Variants in MASTL observed in about 807,000 individuals in gnomAD.
MASTL encodes the protein serine/threonine-protein kinase greatwall.
In MASTL, 54 loss-of-function variants were observed where a neutral mutation model predicts 82.5. The observed-to-expected ratio is 0.65, with a 90% CI of 0.53 to 0.82. MASTL has a LOEUF of 0.82. Among genes scored for constraint, MASTL ranks in the 40% least tolerant of loss-of-function variants. The pLI is 0.00. For synonymous variants in MASTL, 323 were observed against 368.9 expected (o/e 0.88, Z 1.43); for missense variants, 950 against 1,047.8 (o/e 0.91, Z 1.29).
Position 27,167,118 on chromosome 10 carries a change from C to T in MASTL, c.828C>T (p.Ala276=), listed in dbSNP as rs761571179. The T allele has an allele frequency of 1.9e-6, 3 of 1,613,916 alleles. No homozygotes were observed. In the South Asian group the frequency reaches 3.3e-5, roughly 18 times the overall value. ...TCTCTATAGGTCTTGAAACAGTTGCCTCCAACCCAGGAATGCCTGTGAAGT... is the reference window on the plus strand; with the variant it reads ...TCTCTATAGGTCTTGAAACAGTTGCTTCCAACCCAGGAATGCCTGTGAAGT... ...KLLKSCLETV[A]SNPGMPVKCL... The change falls in exon 7 of 12, where the codon GCC becomes GCT. Residue 276 remains alanine (A), a synonymous_variant. Coordinates refer to ENST00000375940, the MANE Select transcript of MASTL (RefSeq NM_001172303.3).
At chr10:27,175,611 A>T (rs2058078798) in intron 9 of MASTL, among the ~76,000 whole-genome samples, 1 of 151,870 alleles carries the variant, frequency 6.6e-6, no homozygotes, top group East Asian at 1.9e-4. Context: ...GTTCTTGGAG[A>T]TTCTGCCTTT....
In MASTL at chr10:27,186,424, T is replaced by C. The variant is rs375733380; in HGVS notation, c.2528T>C (p.Leu843Pro). 5.6e-6 allele frequency: 9 copies of C among 1,614,068 alleles called. No homozygotes were observed. In the South Asian group the frequency reaches 8.8e-5, roughly 16 times the overall value. ...PLFSDVDWEN[L>P]QHQTMPFIPQ... ...TTCAGTGATGTGGACTGGGAAAATC[T>C]GCAGCATCAGACTATGCCTTTCATC... Residue 843 changes from leucine to proline, a missense_variant, in exon 12 of 12, where the codon CTG becomes CCG. Physicochemically the swap from Leu to Pro is moderately conservative, Grantham distance 98 (BLOSUM62 -3). Coordinates refer to ENST00000375940, the MANE Select transcript of MASTL (RefSeq NM_001172303.3).
chr10:27,169,162 G>GT (rs2057836431), intron 7 of MASTL, among the ~76,000 whole-genome samples: 1 of 152,014 alleles, frequency 6.6e-6, no homozygotes, highest in Non-Finnish European at 1.5e-5. Flanking sequence ...TATCAGCTTG[G>GT]TTTTTTAATA....
intron 1 of MASTL, among the ~76,000 whole-genome samples, chr10:27,157,350 A>G (rs1285197756): frequency 1.3e-5 from 2 of 152,136 alleles, no homozygotes; most frequent in Non-Finnish European, 2.9e-5. Context: ...TTTGCTTAGC[A>G]CCCACCCTCT....
rs753485324 is a variant in MASTL, at chr10:27,173,124, C to T, written c.2131C>T (p.Pro711Ser). The T allele has an allele frequency of 1.6e-5, 26 of 1,613,932 alleles. No individual in the cohort carries two copies. The South Asian group carries it at 2.4e-4, about 15-fold the overall frequency. ...TAAACCCTTTTTGAATTAGCAGACCCCAAATCAGATCAAGTCGGGAACTCC... is the reference window on the plus strand; with the variant it reads ...TAAACCCTTTTTGAATTAGCAGACCTCAAATCAGATCAAGTCGGGAACTCC... The part of the protein sequence containing the change: ...RRSCMPHQQT[P>S]NQIKSGTPYR... Residue 711 changes from proline to serine, a missense_variant, in exon 9 of 12, where the codon CCA becomes TCA. By Grantham distance (74) the Pro-to-Ser change is moderately conservative. Coordinates refer to ENST00000375940, the MANE Select transcript of MASTL (RefSeq NM_001172303.3).
At chr10:27,154,613 A>C (rs1486780046), upstream of MASTL, 1 of 296,144 alleles carries the variant, frequency 3.4e-6, no homozygotes, top group Non-Finnish European at 6.1e-6. Context: ...TCTTTCGCCC[A>C]GGCTGGCGTA....
chr10:27,163,179 A>G (rs2057630356), intron 4 of MASTL, among the ~76,000 whole-genome samples: 1 of 152,082 alleles, frequency 6.6e-6, no homozygotes, highest in Non-Finnish European at 1.5e-5. Context: ...GGCCTCCCAA[A>G]GTGCTAGGAT....
chr10:27,181,963 G>T (rs788218), intron 11 of MASTL, among the ~76,000 whole-genome samples: 149,653 of 151,402 alleles, frequency 0.99, 73,980 homozygotes, highest in East Asian at 1. Flanking sequence ...TAGTCCCAGC[G>T]ACTTGGGAGG....
At chr10:27,180,330 G>T (rs920945230) in intron 9 of MASTL, among the ~76,000 whole-genome samples, 1 of 152,226 alleles carries the variant, frequency 6.6e-6, no homozygotes, top group South Asian at 2.1e-4. Context: ...GGAGAAGGCC[G>T]CATGCTGCGC....
chr10:27,165,643 T>C (rs41314635), intron 6 of MASTL, 104 bp downstream of exon 6: 36,816 of 1,305,214 alleles, frequency 0.028, 657 homozygotes, highest in Non-Finnish European at 0.033. Context: ...GACGGAGTCT[T>C]ACTCTGTCAT....
At chr10:27,161,233 C>T (rs749877799) in intron 4 of MASTL, 51 bp downstream of exon 4, 33 of 1,062,498 alleles carry the variant, frequency 3.1e-5, no homozygotes, top group African/African-American at 4.7e-5. Flanking sequence ...ACAGGCCAGG[C>T]GTGGTGGCTC....
Position 27,170,110 on chromosome 10 carries a change from C to G in MASTL, c.1151C>G (p.Ser384Cys). 6.2e-7 allele frequency: 1 copy of G among 1,614,156 alleles called. No individual in the cohort carries two copies. The highest frequency in any genetic ancestry group is 8.5e-7 in the Non-Finnish European group (1 of 1,180,022). ...NSSALPTTGR[S>C]CVNLAKKCFS... Reference sequence around the variant, plus strand: ...AGTGCCCTTCCCACCACTGGACGCTCTTGTGTAAACCTTGCTAAAAAATGC... The same window carrying G: ...AGTGCCCTTCCCACCACTGGACGCTGTTGTGTAAACCTTGCTAAAAAATGC... The change falls in exon 8 of 12, where the codon TCT becomes TGT. Residue 384 changes from serine to cysteine, a missense_variant. Coordinates refer to ENST00000375940, the MANE Select transcript of MASTL (RefSeq NM_001172303.3).
At chr10:27,162,602 G>C (rs1209757289) in intron 4 of MASTL, among the ~76,000 whole-genome samples, 1 of 152,142 alleles carries the variant, frequency 6.6e-6, no homozygotes, top group African/African-American at 2.4e-5. Flanking sequence ...CTGGGAGGCA[G>C]AGGTTGCAGT....
At chr10:27,165,572 G>A (rs964012093) in intron 6 of MASTL, 33 bp downstream of exon 6, 6 of 1,608,382 alleles carry the variant, frequency 3.7e-6, no homozygotes, top group Non-Finnish European at 5.1e-6. Flanking sequence ...GCCAGGCGCA[G>A]AGGCTTACAC....
chr10:27,170,013 G>A lies in MASTL; in HGVS notation c.1054G>A (p.Ala352Thr). The stretch of plus-strand genomic sequence containing the variant: ...AGTTGAAAAGTTATGCGCAAAATCT[G>A]CAAATGCCATTGAGACGAAAGGTTT... ...NAVEKLCAKS[A>T]NAIETKGFNK... Residue 352 changes from alanine (A) to threonine (T), a missense_variant, in exon 8 of 12, where the codon GCA (alanine) becomes ACA (threonine). By Grantham distance (58) the Ala-to-Thr change is moderately conservative. Transcript: ENST00000375940. The A allele has an allele frequency of 6.2e-7, 1 of 1,614,146 alleles. No individual in the cohort carries two copies. Among genetic ancestry groups the A allele is most frequent in the Non-Finnish European group, 8.5e-7 (1 of 1,180,018 alleles).
chr10:27,167,451 T>C (rs1039198672), intron 7 of MASTL, among the ~76,000 whole-genome samples, 177 bp downstream of exon 7: 10 of 152,244 alleles, frequency 6.6e-5, no homozygotes, highest in Non-Finnish European at 1.5e-4. Flanking sequence ...TTGAAATATT[T>C]CATTTCTCAT....
chr10:27,162,338 G>A (rs1249535889), intron 4 of MASTL, among the ~76,000 whole-genome samples: 4 of 152,184 alleles, frequency 2.6e-5, no homozygotes, highest in African/African-American at 9.7e-5. Context: ...ATAGAAACAT[G>A]GATAAATGAT....
chr10:27,161,324 G>A (rs567750466), intron 4 of MASTL, 142 bp downstream of exon 4: 41 of 586,302 alleles, frequency 7.0e-5, no homozygotes, highest in South Asian at 4.1e-4. Flanking sequence ...CCTAGCTAAC[G>A]TGGCAAAACC....
chr10:27,158,764 T>C, intron 2 of MASTL, 78 bp downstream of exon 2: 1 of 1,504,806 alleles, frequency 6.6e-7, no homozygotes, highest in Non-Finnish European at 9.2e-7. Context: ...AACCATGTTT[T>C]GGTTCAGAGT....
Sources: allele counts gnomAD v4.1 joint callset (sites outside exome capture counted in the v4.1 genomes callset), GRCh38; gene constraint gnomAD v4.1.1; transcripts MANE v1.5; gene names NCBI Gene and HGNC (gene_info 2026-07-23, HGNC 2026-07-21).